Variants in AKAP13 observed in about 807,000 individuals in gnomAD.
AKAP13 encodes A-kinase anchor protein 13.
In AKAP13, 80 loss-of-function variants were observed where a neutral mutation model predicts 264.5. The observed-to-expected ratio is 0.30, with a 90% CI of 0.25 to 0.36. The LOEUF is 0.36. Among genes scored for constraint, AKAP13 ranks in the 10% least tolerant of loss-of-function variants. AKAP13 has a pLI of 1.00. For missense variants in AKAP13, 3,712 were observed against 3,435.2 expected (o/e 1.08, Z -2.01); for synonymous variants, 1,380 against 1,250.2 (o/e 1.10, Z -2.19).
rs1597219428 is a variant in AKAP13, at chr15:85,735,165, GT to G, written c.7441+16del. 6.2e-7 allele frequency: 1 copy of G among 1,610,706 alleles called. No individual in the cohort carries two copies. Among genetic ancestry groups the G allele is most frequent in the East Asian group, 2.2e-5 (1 of 44,840 alleles). On this transcript the variant is annotated intron_variant, in intron 31 of 36. Coordinates refer to ENST00000394518, the MANE Select transcript of AKAP13 (RefSeq NM_007200.5). ...TGCTTCAAAAGGTAAATGATGTGAA[GT>G]CATGAGCTTTTATAGGCAATCCTTG...
intron 10 of AKAP13, among the ~76,000 whole-genome samples, chr15:85,651,267 C>A (rs961434285): frequency 2.0e-5 from 3 of 152,138 alleles, no homozygotes; most frequent in Admixed American, 6.5e-5. Context: ...ACAGTGAACA[C>A]CCGTATACCC....
chr15:85,513,895 G>C (rs2076524056), intron 2 of AKAP13, among the ~76,000 whole-genome samples: 1 of 138,888 alleles, frequency 7.2e-6, no homozygotes, highest in Non-Finnish European at 1.5e-5. Flanking sequence ...GCACTGCATA[G>C]GTAACCTTGT....
intron 1 of AKAP13, among the ~76,000 whole-genome samples, chr15:85,411,547 C>G (rs2150871411): frequency 6.6e-6 from 1 of 152,240 alleles, no homozygotes; most frequent in Non-Finnish European, 1.5e-5. Flanking sequence ...ACGCCATTCT[C>G]CTGCCTCAGC....
At chr15:85,582,152 C>T (rs1596595599) in intron 7 of AKAP13, 45 bp downstream of exon 7, 1 of 1,523,888 alleles carries the variant, frequency 6.6e-7, no homozygotes, top group Non-Finnish European at 8.8e-7. Context: ...GAAGCAGATT[C>T]CCTTAAGAGT....
intron 15 of AKAP13, 76 bp downstream of exon 15, chr15:85,682,288 G>C (rs571618961): frequency 1.4e-6 from 2 of 1,404,380 alleles, no homozygotes; most frequent in Non-Finnish European, 2.0e-6. Flanking sequence ...ATTTAATTAC[G>C]TAAACTAAGT....
intron 16 of AKAP13, 51 bp downstream of exon 16, chr15:85,684,924 A>T (rs2084807735): frequency 2.5e-6 from 4 of 1,570,730 alleles, no homozygotes; most frequent in Non-Finnish European, 3.5e-6. Context: ...GGATCCTGTC[A>T]CAGCCTGCAT....
At chr15:85,664,425 A>T (rs2083490677) in intron 12 of AKAP13, 138 bp from the exon 13 acceptor site, 1 of 777,196 alleles carries the variant, frequency 1.3e-6, no homozygotes, top group African/African-American at 1.7e-5. Context: ...TCTTTGTGCC[A>T]TGCCCTTTTA....
intron 8 of AKAP13, among the ~76,000 whole-genome samples, chr15:85,633,905 G>T (rs16942514): frequency 6.6e-6 from 1 of 151,796 alleles, no homozygotes; most frequent in African/African-American, 2.4e-5. Flanking sequence ...ATAGGGTGTT[G>T]GTAAAGTTAC....
intron 1 of AKAP13, among the ~76,000 whole-genome samples, chr15:85,402,618 C>G (rs573055197): frequency 3.9e-5 from 6 of 152,096 alleles, no homozygotes; most frequent in Non-Finnish European, 7.4e-5. Context: ...TAAAAAGATG[C>G]AAAGAATCAT....
At chr15:85,571,942 G>A (rs2078832699) in intron 5 of AKAP13, among the ~76,000 whole-genome samples, 1 of 152,194 alleles carries the variant, frequency 6.6e-6, no homozygotes, top group African/African-American at 2.4e-5. Flanking sequence ...AGATTGAAGG[G>A]TTAGTACCTG....
At position 85,655,746 on chromosome 15, in the gene AKAP13, T is replaced by C; in HGVS notation, c.4704T>C (p.Pro1568=). 6.2e-7 allele frequency: 1 copy of C among 1,611,722 alleles called. No homozygotes were observed. The highest frequency in any genetic ancestry group is 8.5e-7 in the Non-Finnish European group (1 of 1,178,164). Residue 1568 remains proline, a synonymous_variant, in exon 11 of 37, where the codon CCT becomes CCC. Coordinates refer to ENST00000394518, the MANE Select transcript of AKAP13 (RefSeq NM_007200.5). ...LSPFRRHSWG[P]GKNAASDAEM... ...CCTTCCGGAGGCACAGCTGGGGGCC[T>C]GGGAAAAATGCAGCCAGCGATGCAG...
intron 34 of AKAP13, among the ~76,000 whole-genome samples, chr15:85,740,775 A>ACAC (rs2088909430): frequency 1.5e-5 from 1 of 67,388 alleles, no homozygotes; most frequent in Non-Finnish European, 2.6e-5. Flanking sequence ...ACACACAACC[A>ACAC]CCCCCCCCCC....
intron 31 of AKAP13, 105 bp downstream of exon 31, chr15:85,735,255 A>G (rs1021352221): frequency 9.8e-6 from 14 of 1,431,412 alleles, no homozygotes; most frequent in African/African-American, 1.4e-5. Context: ...CCAATCAGCA[A>G]ATTTCTTAGT....
chr15:85,507,811 A>G (rs2076283836), intron 2 of AKAP13, among the ~76,000 whole-genome samples: 1 of 152,122 alleles, frequency 6.6e-6, no homozygotes, highest in African/African-American at 2.4e-5. Flanking sequence ...AGTAGCACCT[A>G]ATCACCCTCC....
intron 34 of AKAP13, among the ~76,000 whole-genome samples, chr15:85,740,758 C>A (rs1259449405): frequency 1.5e-5 from 2 of 132,342 alleles, no homozygotes; most frequent in East Asian, 4.2e-4. Context: ...CCCACACAGA[C>A]ACACACACAC....
At chr15:85,479,815 T>C (rs1018959609) in intron 1 of AKAP13, among the ~76,000 whole-genome samples, 1 of 152,220 alleles carries the variant, frequency 6.6e-6, no homozygotes, top group Non-Finnish European at 1.5e-5. Context: ...AGGCTTCTCT[T>C]GTAGCATGTG....
chr15:85,466,025 A>C (rs2074725689), intron 1 of AKAP13, among the ~76,000 whole-genome samples: 1 of 152,044 alleles, frequency 6.6e-6, no homozygotes, highest in Non-Finnish European at 1.5e-5. Flanking sequence ...TTGTTTCCTG[A>C]CTTTTTAATG....
intron 10 of AKAP13, among the ~76,000 whole-genome samples, chr15:85,652,470 C>CT (rs1308261410): frequency 6.6e-6 from 1 of 152,080 alleles, no homozygotes; most frequent in Admixed American, 6.5e-5. Context: ...GCCTTGAAGT[C>CT]TTTTTTGTGT....
intron 1 of AKAP13, among the ~76,000 whole-genome samples, chr15:85,392,836 T>C (rs1302053886): frequency 2.0e-5 from 3 of 152,232 alleles, no homozygotes; most frequent in Non-Finnish European, 4.4e-5. Context: ...GGCAGATCTC[T>C]TCAGAATAAT....
Sources: allele counts gnomAD v4.1 joint callset (sites outside exome capture counted in the v4.1 genomes callset), GRCh38; gene constraint gnomAD v4.1.1; transcripts MANE v1.5; gene names NCBI Gene and HGNC (gene_info 2026-07-23, HGNC 2026-07-21).